Variants in TENM1 observed in about 807,000 individuals in gnomAD.
The protein encoded by TENM1 is teneurin-1.
TENM1 carries 35 observed loss-of-function variants against 174.8 expected under a neutral mutation model. The ratio of observed to expected loss-of-function variants is 0.20; its 90% CI spans 0.15 to 0.27. TENM1 has a LOEUF of 0.27. Among genes scored for constraint, TENM1 ranks in the 10% least tolerant of loss-of-function variants. The probability of loss-of-function intolerance (pLI) is 1.00; values close to 1 mark genes in which losing one functional copy is unlikely to be tolerated. For missense variants in TENM1, 1,633 were observed against 2,130.1 expected, an observed-to-expected ratio of 0.77 and a Z score of 4.59; for synonymous variants, 781 against 798.7, an observed-to-expected ratio of 0.98 and a Z score of 0.37.
chrX:125,186,477 C>T, the TENM1 span, among the ~76,000 whole-genome samples: 2 of 110,161 alleles, frequency 1.8e-5, no homozygotes, highest in African/African-American at 3.3e-5. Flanking sequence ...GGGCCTGGTA[C>T]GAGGTGTTTA....
intron 1 of TENM1, among the ~76,000 whole-genome samples, chrX:124,918,337 G>A (rs987990063): frequency 1.1e-4 from 12 of 110,298 alleles, no homozygotes; most frequent in African/African-American, 3.0e-4. Context: ...GTGCCACCAC[G>A]TCTGGCTAAT....
intron 3 of TENM1, among the ~76,000 whole-genome samples, chrX:124,782,166 G>A (rs2054927927): frequency 9.0e-6 from 1 of 111,594 alleles, no homozygotes; most frequent in Non-Finnish European, 1.9e-5. Flanking sequence ...AAGCCCAGGA[G>A]AACAGCCTAC....
At chrX:124,933,595 AC>A (rs2058204380) in intron 1 of TENM1, among the ~76,000 whole-genome samples, 1 of 112,441 alleles carries the variant, frequency 8.9e-6, no homozygotes, top group African/African-American at 3.2e-5. Flanking sequence ...TAAAATTTCG[AC>A]AGGCTTTGTT....
chrX:124,698,749 G>A (rs1251234686), intron 5 of TENM1, among the ~76,000 whole-genome samples: 1 of 111,228 alleles, frequency 9.0e-6, no homozygotes, highest in African/African-American at 3.3e-5. Context: ...CCACCTTTCT[G>A]TATCTTTCCT....
chrX:124,700,837 T>C (rs1198295577), intron 5 of TENM1, among the ~76,000 whole-genome samples: 1 of 111,451 alleles, frequency 9.0e-6, no homozygotes, highest in Non-Finnish European at 1.9e-5. Flanking sequence ...ACTCCTTTCA[T>C]TCTATTATTT....
intron 20 of TENM1, among the ~76,000 whole-genome samples, chrX:124,496,064 C>T (rs1482607546): frequency 1.9e-5 from 2 of 105,284 alleles, no homozygotes; most frequent in Non-Finnish European, 3.9e-5. Context: ...GAAATAACAC[C>T]GCATATCTAC....
intron 22 of TENM1, among the ~76,000 whole-genome samples, chrX:124,470,627 TC>T (rs1465297298): frequency 1.8e-5 from 2 of 111,633 alleles, no homozygotes; most frequent in African/African-American, 6.5e-5. Flanking sequence ...TTTCTCCTAC[TC>T]TTTTTTAAAA....
intron 20 of TENM1, among the ~76,000 whole-genome samples, chrX:124,492,266 C>T (rs1479214216): frequency 2.7e-5 from 3 of 111,436 alleles, no homozygotes; most frequent in South Asian, 3.8e-4. Flanking sequence ...GCATGGGGCA[C>T]AGAGCAATTA....
intron 1 of TENM1, among the ~76,000 whole-genome samples, chrX:124,898,613 G>A (rs932033793): frequency 1.8e-5 from 2 of 110,087 alleles, no homozygotes; most frequent in African/African-American, 6.6e-5. Flanking sequence ...AAAAGGTTGA[G>A]CAAATAAAAA....
intron 28 of TENM1, among the ~76,000 whole-genome samples, chrX:124,390,519 G>T: frequency 8.9e-6 from 1 of 111,846 alleles, no homozygotes; most frequent in Non-Finnish European, 1.9e-5. Context: ...CAGTTGGTCG[G>T]ACTCTGGTGC....
the TENM1 span, among the ~76,000 whole-genome samples, chrX:125,113,821 A>T: frequency 1.8e-5 from 2 of 110,819 alleles, no homozygotes; most frequent in Non-Finnish European, 3.8e-5. Context: ...GGGAGACTTT[A>T]TCACCCCACT....
chrX:124,684,841 TG>T (rs1461250304), intron 5 of TENM1, among the ~76,000 whole-genome samples: 1 of 110,397 alleles, frequency 9.1e-6, no homozygotes, highest in Admixed American at 9.6e-5. Context: ...CCATCTTCCA[TG>T]GCCCCAGGTA....
At chrX:124,441,558 C>A (rs1347560637) in intron 23 of TENM1, among the ~76,000 whole-genome samples, 1 of 111,861 alleles carries the variant, frequency 8.9e-6, no homozygotes, top group African/African-American at 3.2e-5. Flanking sequence ...ATAATATAAG[C>A]CTTTGGATCA....
At chrX:124,966,648 C>T (rs2058731037), upstream of TENM1, among the ~76,000 whole-genome samples, 1 of 103,708 alleles carries the variant, frequency 9.6e-6, no homozygotes, top group Non-Finnish European at 2.0e-5. Flanking sequence ...GGCGACAGAG[C>T]GAGACTCCGT....
intron 11 of TENM1, among the ~76,000 whole-genome samples, chrX:124,624,739 C>T (rs758453883): frequency 8.9e-6 from 1 of 111,777 alleles, no homozygotes; most frequent in African/African-American, 3.2e-5. Flanking sequence ...GGTACTCTCA[C>T]TGCAGGAGTT....
intron 1 of TENM1, among the ~76,000 whole-genome samples, chrX:124,936,435 C>T (rs1465576654): frequency 9.0e-6 from 1 of 111,596 alleles, no homozygotes; most frequent in Non-Finnish European, 1.9e-5. Flanking sequence ...CTAGCCTCAC[C>T]CTGTTATCTT....
chrX:124,420,205 G>T, intron 25 of TENM1, 106 bp downstream of exon 28: 1 of 902,396 alleles, frequency 1.1e-6, no homozygotes, highest in Non-Finnish European at 1.5e-6. Context: ...GTGGTTGTTA[G>T]GAGAAAACAG....
At chrX:124,853,547 T>A (rs1328038131) in intron 3 of TENM1, among the ~76,000 whole-genome samples, 1 of 110,908 alleles carries the variant, frequency 9.0e-6, no homozygotes, top group Admixed American at 9.6e-5. Flanking sequence ...AGAGGTATAT[T>A]TAGTGTAGGG....
intron 15 of TENM1, among the ~76,000 whole-genome samples, chrX:124,540,016 T>C (rs2048286009): frequency 8.9e-6 from 1 of 112,279 alleles, no homozygotes; most frequent in African/African-American, 3.2e-5. Flanking sequence ...ATCAAAACAG[T>C]TGAATTTGGA....
Sources: gnomAD v4.1 joint callset for allele counts (sites outside exome capture counted in the v4.1 genomes callset) on GRCh38, gnomAD v4.1.1 for gene constraint, MANE v1.5 for transcripts, NCBI Gene and HGNC (gene_info 2026-07-23, HGNC 2026-07-21) for gene names.